Variants in SLC20A1 observed in about 807,000 individuals in gnomAD.
SLC20A1 encodes the protein sodium-dependent phosphate transporter 1.
Under a neutral mutation model 62.7 loss-of-function variants are expected in SLC20A1, and 28 were observed. The ratio of observed to expected loss-of-function variants is 0.45; its 90% confidence interval spans 0.33 to 0.61. The LOEUF (loss-of-function observed/expected upper bound fraction) is 0.61. SLC20A1 is among the 20% of genes least tolerant of loss of function. The probability of loss-of-function intolerance (pLI) is 0.02; values close to 1 mark genes in which losing one functional copy is unlikely to be tolerated. For synonymous variants in SLC20A1, 305 were observed against 302.9 expected, an observed-to-expected ratio of 1.01 and a Z score of -0.07; for missense variants, 673 against 838.6, an observed-to-expected ratio of 0.80 and a Z score of 2.44.
At chr2:112,648,258 A>G (rs1686339899) in intron 4 of SLC20A1, among the ~76,000 whole-genome samples, 1 of 152,204 alleles carries the variant, frequency 6.6e-6, no homozygotes, top group Non-Finnish European at 1.5e-5. Context: ...AGTTAAAGGT[A>G]GTTTTTGGCC....
In SLC20A1 at chr2:112,661,194, A is replaced by G. The variant is rs1177581519; in HGVS notation, c.1846A>G (p.Ile616Val). The change falls in exon 10 of 11, where the codon ATT becomes GTT. Residue 616 changes from isoleucine to valine, a missense_variant. Ile to Val is a conservative substitution (Grantham distance 29, BLOSUM62 3). Transcript: ENST00000272542. ...CCTCACTGTGGTGATTGCATCAAAT[A>G]TTGGCCTTCCCATCAGTACAACACA... ...SALTVVIASNIGLPISTTHCK... is the reference protein window; with the variant it reads ...SALTVVIASNVGLPISTTHCK... 6.2e-7 allele frequency: 1 copy of G among 1,614,050 alleles called. No homozygotes were observed. The highest frequency in any genetic ancestry group is 8.5e-7 in the Non-Finnish European group (1 of 1,179,880).
chr2:112,658,302 CTT>C (rs1015152242), intron 6 of SLC20A1: 1 of 152,942 alleles, frequency 6.5e-6, no homozygotes, highest in East Asian at 1.9e-4. Context: ...ATGCACATCT[CTT>C]TGTTTTATAG....
chr2:112,656,188 CTTTTTTTT>C (rs367841545), intron 5 of SLC20A1, among the ~76,000 whole-genome samples: 13 of 90,578 alleles, frequency 1.4e-4, no homozygotes, highest in Admixed American at 1.3e-4. Context: ...AAAGACAAAA[CTTTTTTTT>C]TTTTTTTTTT....
intron 4 of SLC20A1, among the ~76,000 whole-genome samples, chr2:112,650,490 G>A (rs1321863493): frequency 6.6e-6 from 1 of 150,808 alleles, no homozygotes; most frequent in East Asian, 2.0e-4. Context: ...CACCACACCC[G>A]GCTAGTATTT....
rs773142769 is a variant in SLC20A1, at chr2:112,660,511, G to C, written c.1732G>C (p.Val578Leu). ...TGTTGGTATCTGTGTTGGTCTGTGG[G>C]TTTGGGGAAGAAGAGTTATCCAGAC... ...GGVGICVGLW[V>L]WGRRVIQTMG... is the part of the protein sequence containing the mutation. Residue 578 changes from valine to leucine, a missense_variant, in exon 9 of 11, where the codon GTT becomes CTT. Transcript: ENST00000272542. 6 of 1,614,082 alleles carry C rather than the reference G, an allele frequency of 3.7e-6. No individual in the cohort carries two copies. In the African/African-American group the frequency reaches 8.0e-5, roughly 22 times the overall value.
intron 4 of SLC20A1, 126 bp downstream of exon 4, chr2:112,647,864 T>G: frequency 1.3e-6 from 1 of 760,932 alleles, no homozygotes; most frequent in Non-Finnish European, 2.3e-6. Flanking sequence ...AAAAAGCTCT[T>G]TGTTCTGTGC....
intron 6 of SLC20A1, among the ~76,000 whole-genome samples, chr2:112,657,447 C>T (rs535757387): frequency 2.2e-4 from 34 of 152,176 alleles, no homozygotes; most frequent in African/African-American, 8.0e-4. Context: ...ACTTACATGA[C>T]CTAAGACCTA....
At chr2:112,657,393 T>G in intron 6 of SLC20A1, 152 bp downstream of exon 6, 1 of 805,176 alleles carries the variant, frequency 1.2e-6, no homozygotes, top group Non-Finnish European at 1.9e-6. Flanking sequence ...CAAACTGTTT[T>G]TAGAAATGGA....
chr2:112,655,583 C>T (rs1011884991), intron 5 of SLC20A1, among the ~76,000 whole-genome samples: 1 of 150,158 alleles, frequency 6.7e-6, no homozygotes, highest in South Asian at 2.1e-4. Context: ...CTGTGTTGCC[C>T]AGGCTGGCCT....
rs769600392 is a variant in SLC20A1, at chr2:112,663,061, G to GTCAAT, written c.*36_*37insTCAAT. 1.6e-5 allele frequency: 26 copies of GTCAAT among 1,609,092 alleles called. No individual in the cohort carries two copies. Among genetic ancestry groups the GTCAAT allele is most frequent in the Non-Finnish European group, 2.2e-5 (26 of 1,175,840 alleles). On this transcript the variant is annotated 3_prime_UTR_variant, in exon 11 of 11. Transcript: ENST00000272542. ...GATTAAAATTTGTGTCAATGTTTGG[G>GTCAAT]ACCATCTTAGGTATTCCTGCTCCCC...
At position 112,660,270 on chromosome 2, in the gene SLC20A1, G is replaced by T. The variant is rs552590983; in HGVS notation, c.1608-117G>T. 9.4e-5 allele frequency: 81 copies of T among 858,078 alleles called. No homozygotes were observed. The African/African-American group carries it at 1.3e-3, about 13-fold the overall frequency. The allele number at this position is 858,078 out of a possible 1,614,324, so 53.2% of individuals were successfully genotyped here. A position where few individuals can be genotyped will look rare whatever the true frequency, so the allele number is the denominator to read the frequency against. Reference sequence around the variant, plus strand: ...TGTCTTTAGAAAGAAAGGCCCTTTTGCCAGATGAGCTTGAAAGCTGTACTT... The same window carrying T: ...TGTCTTTAGAAAGAAAGGCCCTTTTTCCAGATGAGCTTGAAAGCTGTACTT... On this transcript the variant is annotated intron_variant, in intron 8 of 10. Coordinates refer to ENST00000272542, the MANE Select transcript of SLC20A1 (RefSeq NM_005415.5).
Position 112,658,890 on chromosome 2 carries a change from CA to C in SLC20A1, c.845del (p.His282LeufsTer20). 1 of 1,613,982 alleles carries C rather than the reference CA, an allele frequency of 6.2e-7. No homozygotes were observed. The highest frequency in any genetic ancestry group is 8.5e-7 in the Non-Finnish European group (1 of 1,179,966). On this transcript the variant is annotated frameshift_variant, in exon 7 of 11. Coordinates refer to ENST00000272542, the MANE Select transcript of SLC20A1 (RefSeq NM_005415.5). LOFTEE classifies it high-confidence loss of function. ...MEKKNSLKED[H>X]EETKLSVGDI... ...AAAAAAGAATAGCTTGAAAGAAGACCATGAAGAAACAAAGTTGTCTGTTGGT... is the reference window on the plus strand; with the variant it reads ...AAAAAAGAATAGCTTGAAAGAAGACCTGAAGAAACAAAGTTGTCTGTTGGT...
At chr2:112,661,093 T>G in intron 9 of SLC20A1, 49 bp from the exon 10 acceptor site, 3 of 1,428,874 alleles carry the variant, frequency 2.1e-6, no homozygotes, top group Non-Finnish European at 3.0e-6. Context: ...TGTTAGCTTC[T>G]CAAAAAAGTC....
At chr2:112,660,706 T>C in intron 9 of SLC20A1, 134 bp downstream of exon 9, 1 of 773,030 alleles carries the variant, frequency 1.3e-6, no homozygotes, top group Non-Finnish European at 2.0e-6. Flanking sequence ...GTCATTGTTC[T>C]TTTTAGATTT....
chr2:112,656,649 T>TTG, intron 5 of SLC20A1, among the ~76,000 whole-genome samples: 1 of 152,352 alleles, frequency 6.6e-6, no homozygotes, highest in South Asian at 2.1e-4. Flanking sequence ...TGTAATCACT[T>TTG]TTACACAGAA....
chr2:112,657,613 G>A (rs1686627675), intron 6 of SLC20A1, among the ~76,000 whole-genome samples: 1 of 152,104 alleles, frequency 6.6e-6, no homozygotes, highest in Admixed American at 6.5e-5. Flanking sequence ...AAAAATAAGG[G>A]GTAGATACAA....
chr2:112,653,645 A>G (rs1686503486), intron 5 of SLC20A1, among the ~76,000 whole-genome samples: 1 of 144,184 alleles, frequency 6.9e-6, no homozygotes, highest in Non-Finnish European at 1.5e-5. Context: ...ATGCACCCAT[A>G]TTTTCAAATT....
intron 4 of SLC20A1, among the ~76,000 whole-genome samples, chr2:112,649,402 T>C (rs1010878585): frequency 4.6e-5 from 7 of 152,216 alleles, no homozygotes; most frequent in South Asian, 2.1e-4. Context: ...GAGTTTTCAG[T>C]TGAGTATGAA....
In SLC20A1 at chr2:112,659,611, G is replaced by A. The variant is rs1384805943; in HGVS notation, c.1456G>A (p.Ala486Thr). The A allele has an allele frequency of 6.2e-7, 1 of 1,614,080 alleles. No individual in the cohort carries two copies. The highest frequency in any genetic ancestry group is 8.5e-7 in the Non-Finnish European group (1 of 1,180,038). The change falls in exon 8 of 11, where the codon GCA (alanine) becomes ACA (threonine). Residue 486 changes from alanine (A) to threonine (T), a missense_variant. Ala to Thr is a moderately conservative substitution (Grantham distance 58). Coordinates refer to ENST00000272542, the MANE Select transcript of SLC20A1 (RefSeq NM_005415.5). Reference protein sequence around the residue: ...SASEIDMSVKAEMGLGDRKGS... With the variant: ...SASEIDMSVKTEMGLGDRKGS... Reference sequence around the variant, plus strand: ...ATCTGAGATAGACATGAGTGTCAAGGCAGAGATGGGTCTAGGTGACAGAAA... The same window carrying A: ...ATCTGAGATAGACATGAGTGTCAAGACAGAGATGGGTCTAGGTGACAGAAA...
Sources: allele counts gnomAD v4.1 joint callset (sites outside exome capture counted in the v4.1 genomes callset), GRCh38; gene constraint gnomAD v4.1.1; transcripts MANE v1.5; gene names NCBI Gene and HGNC (gene_info 2026-07-23, HGNC 2026-07-21).